Variants in CDH18 observed in about 807,000 individuals in gnomAD.
CDH18 encodes the protein cadherin 18, also known as cadherin-18.
Under a neutral mutation model 67.9 loss-of-function variants are expected in CDH18, and 31 were observed. That is an observed-to-expected ratio of 0.46 (90% CI 0.34 to 0.62). The LOEUF is 0.62. Ranked by LOEUF, CDH18 falls within the 20% of genes least tolerant of loss-of-function variation. The pLI is 0.01. For missense variants in CDH18, 890 were observed against 975.5 expected, an observed-to-expected ratio of 0.91 and a Z score of 1.17; for synonymous variants, 362 against 347.2, an observed-to-expected ratio of 1.04 and a Z score of -0.48.
chr5:19,657,570 A>C (rs369724892), intron 5 of CDH18, among the ~76,000 whole-genome samples: 240 of 152,228 alleles, frequency 1.6e-3, no homozygotes, highest in African/African-American at 5.6e-3. Context: ...GTTACTAATA[A>C]TCCATGGTCT....
At chr5:20,400,425 C>T (rs1352472903) in intron 1 of CDH18, among the ~76,000 whole-genome samples, 3 of 151,950 alleles carry the variant, frequency 2.0e-5, no homozygotes, top group African/African-American at 7.3e-5. Flanking sequence ...TTGCAGTGAG[C>T]CGAGATTGTT....
intron 2 of CDH18, among the ~76,000 whole-genome samples, chr5:20,145,356 TAATA>T (rs1244472456): frequency 6.6e-6 from 1 of 152,268 alleles, no homozygotes; most frequent in African/African-American, 2.4e-5. Flanking sequence ...CACATTATTA[TAATA>T]AATATGTTTT....
At chr5:20,361,115 T>C (rs927611848) in intron 1 of CDH18, among the ~76,000 whole-genome samples, 4 of 152,036 alleles carry the variant, frequency 2.6e-5, no homozygotes, top group African/African-American at 9.6e-5. Flanking sequence ...AGTTCTGCAA[T>C]GCTTTCTACC....
chr5:19,599,747 AAAAAATT>A (rs1160872744), intron 6 of CDH18, among the ~76,000 whole-genome samples: 1 of 152,048 alleles, frequency 6.6e-6, no homozygotes, highest in Non-Finnish European at 1.5e-5. Flanking sequence ...CTAAAAATAC[AAAAAATT>A]AGCCGGGCAT....
intron 1 of CDH18, among the ~76,000 whole-genome samples, chr5:20,433,423 C>A (rs1265972900): frequency 6.6e-6 from 1 of 151,870 alleles, no homozygotes; most frequent in Non-Finnish European, 1.5e-5. Flanking sequence ...TCTTTTTGGA[C>A]AATATACCCT....
chr5:20,272,635 T>G (rs903745606), intron 1 of CDH18, among the ~76,000 whole-genome samples: 6 of 152,118 alleles, frequency 3.9e-5, no homozygotes, highest in South Asian at 2.1e-4. Context: ...AAGATAAAAC[T>G]GAAGCTAAAT....
Position 20,036,977 on chromosome 5 carries a change from C to T in CDH18, c.-517-44963G>A, listed in dbSNP as rs139721939. Among the ~76,000 whole-genome samples the T allele has an allele frequency of 1.0e-3, 152 of 151,952 alleles. 2 individuals carry two copies. The East Asian group carries it at 0.024, about 24-fold the overall frequency. ...CTTTCCATTTGCTTGGTAAATATTCCTCCATCCCTTTATTTTGAGCCTATG... is the reference window on the plus strand; with the variant it reads ...CTTTCCATTTGCTTGGTAAATATTCTTCCATCCCTTTATTTTGAGCCTATG... On this transcript the variant is annotated intron_variant, in intron 2 of 14. Coordinates refer to the CDH18 transcript ENST00000507958.
chr5:20,347,481 G>A (rs1309301032), intron 1 of CDH18, among the ~76,000 whole-genome samples: 7 of 152,196 alleles, frequency 4.6e-5, no homozygotes, highest in Admixed American at 1.3e-4. Flanking sequence ...GGGAGGATCA[G>A]TGGAGAAGAA....
At chr5:19,823,479 C>T (rs186848929) in intron 3 of CDH18, among the ~76,000 whole-genome samples, 294 of 152,298 alleles carry the variant, frequency 1.9e-3, no homozygotes, top group Admixed American at 6.5e-3. Context: ...TTCAGCTGGT[C>T]CCTCCGTTCG....
chr5:20,129,983 G>A (rs1749129546), intron 2 of CDH18, among the ~76,000 whole-genome samples: 2 of 151,132 alleles, frequency 1.3e-5, no homozygotes, highest in South Asian at 4.2e-4. Flanking sequence ...TGTTAGATGG[G>A]TATTTAGAAA....
chr5:19,924,464 C>G (rs1181545209), intron 2 of CDH18, among the ~76,000 whole-genome samples: 1 of 151,944 alleles, frequency 6.6e-6, no homozygotes, highest in Non-Finnish European at 1.5e-5. Context: ...TGGCAAAACC[C>G]CATCTCTGGA....
At chr5:19,793,649 G>C (rs1269707369) in intron 3 of CDH18, among the ~76,000 whole-genome samples, 1 of 152,038 alleles carries the variant, frequency 6.6e-6, no homozygotes, top group South Asian at 2.1e-4. Flanking sequence ...AGTTTAATGA[G>C]TGAAACTTAG....
intron 2 of CDH18, among the ~76,000 whole-genome samples, chr5:20,236,168 A>G (rs1742460450): frequency 6.6e-6 from 1 of 152,116 alleles, no homozygotes; most frequent in East Asian, 1.9e-4. Flanking sequence ...TCCAAACCTC[A>G]GCATCACACA....
chr5:19,864,473 A>G (rs1252285228), intron 2 of CDH18, among the ~76,000 whole-genome samples: 7 of 151,984 alleles, frequency 4.6e-5, no homozygotes, highest in Non-Finnish European at 8.8e-5. Context: ...GCACATGTAT[A>G]CATATGTAAC....
upstream of CDH18, among the ~76,000 whole-genome samples, chr5:19,988,896 G>T (rs1799813278): frequency 6.6e-6 from 1 of 152,108 alleles, no homozygotes; most frequent in South Asian, 2.1e-4. Context: ...TCCCCTTGGA[G>T]GTCAGCATTT....
chr5:19,673,933 T>A (rs1196371883), intron 5 of CDH18, among the ~76,000 whole-genome samples: 1 of 152,110 alleles, frequency 6.6e-6, no homozygotes, highest in Non-Finnish European at 1.5e-5. Flanking sequence ...AACTATTATA[T>A]AAACCACATC....
At chr5:19,892,209 A>G (rs1258837349) in intron 2 of CDH18, among the ~76,000 whole-genome samples, 4 of 152,206 alleles carry the variant, frequency 2.6e-5, no homozygotes, top group Admixed American at 2.0e-4. Context: ...AAGTATCCTT[A>G]GAGCTAAAAT....
intron 2 of CDH18, among the ~76,000 whole-genome samples, chr5:20,206,664 A>G (rs867035144): frequency 6.6e-6 from 1 of 151,956 alleles, no homozygotes; most frequent in East Asian, 1.9e-4. Context: ...ATAAGTATAT[A>G]TATACATCCC....
chr5:20,064,637 G>T (rs1303501650), intron 2 of CDH18, among the ~76,000 whole-genome samples: 1 of 152,030 alleles, frequency 6.6e-6, no homozygotes, highest in African/African-American at 2.4e-5. Context: ...CTTAGCTGAA[G>T]GCCTTGCTTC....
Sources: gnomAD v4.1 joint callset for allele counts (sites outside exome capture counted in the v4.1 genomes callset) on GRCh38, gnomAD v4.1.1 for gene constraint, MANE v1.5 for transcripts, NCBI Gene and HGNC (gene_info 2026-07-23, HGNC 2026-07-21) for gene names.